The following HTR2C variants were observed in gnomAD, a reference collection of about 807,000 sequenced individuals.
The protein encoded by HTR2C is 5-hydroxytryptamine receptor 2C.
In HTR2C, 5 loss-of-function variants were observed where a neutral mutation model predicts 21.0. The ratio of observed to expected loss-of-function variants is 0.24; its 90% CI spans 0.12 to 0.50. The LOEUF (loss-of-function observed/expected upper bound fraction) is 0.50. HTR2C is among the 20% of genes least tolerant of loss of function. The pLI is 0.98. For synonymous variants in HTR2C, 150 were observed against 145.3 expected, an observed-to-expected ratio of 1.03 and a Z score of -0.23; for missense variants, 271 against 371.2, an observed-to-expected ratio of 0.73 and a Z score of 2.22.
intron 1 of HTR2C, among the ~76,000 whole-genome samples, chrX:114,611,258 T>C (rs782574508): frequency 1.6e-4 from 18 of 112,097 alleles, no homozygotes; most frequent in Non-Finnish European, 3.0e-4. Flanking sequence ...TCCACAACAT[T>C]TTCATTCCCT....
At chrX:114,724,137 T>A (rs1328419514) in intron 2 of HTR2C, among the ~76,000 whole-genome samples, 2 of 103,886 alleles carry the variant, frequency 1.9e-5, no homozygotes, top group African/African-American at 6.9e-5. Context: ...TCCATTATTA[T>A]TGTGTGGGAG....
chrX:114,857,064 T>TA (rs782055535), intron 5 of HTR2C, among the ~76,000 whole-genome samples: 28 of 111,387 alleles, frequency 2.5e-4, no homozygotes, highest in Non-Finnish European at 4.5e-4. Context: ...TTTGATATAG[T>TA]CAATGATGTT....
intron 5 of HTR2C, among the ~76,000 whole-genome samples, chrX:114,867,726 A>T (rs1305813374): frequency 3.6e-5 from 4 of 111,882 alleles, no homozygotes; most frequent in Non-Finnish European, 7.5e-5. Context: ...CTGCATATGG[A>T]TATCTAGTTT....
At chrX:114,621,860 G>A (rs899949568) in intron 2 of HTR2C, among the ~76,000 whole-genome samples, 6 of 111,809 alleles carry the variant, frequency 5.4e-5, no homozygotes, top group African/African-American at 1.6e-4. Context: ...ACCTTAATGA[G>A]TAGTGATGTC....
At chrX:114,806,216 T>C (rs921683819) in intron 4 of HTR2C, among the ~76,000 whole-genome samples, 3 of 89,015 alleles carry the variant, frequency 3.4e-5, no homozygotes, top group Non-Finnish European at 6.1e-5. Flanking sequence ...ATATACACTC[T>C]ATATACCATA....
At chrX:114,669,954 C>T (rs1931310755) in intron 2 of HTR2C, among the ~76,000 whole-genome samples, 1 of 112,021 alleles carries the variant, frequency 8.9e-6, no homozygotes, top group Non-Finnish European at 1.9e-5. Context: ...AGTAGCAATG[C>T]TGCCAGACGT....
At chrX:114,746,582 A>G (rs1198918396) in intron 4 of HTR2C, among the ~76,000 whole-genome samples, 2 of 111,587 alleles carry the variant, frequency 1.8e-5, no homozygotes, top group African/African-American at 6.5e-5. Context: ...AATTAGGCTC[A>G]GTGGCTCAGG....
chrX:114,878,644 G>A (rs963248916), intron 5 of HTR2C, among the ~76,000 whole-genome samples: 1 of 110,792 alleles, frequency 9.0e-6, no homozygotes, highest in Non-Finnish European at 1.9e-5. Context: ...CAAGTATCTT[G>A]TGTTAATGTC....
intron 1 of HTR2C, among the ~76,000 whole-genome samples, chrX:114,597,228 A>T (rs1319908775): frequency 9.2e-6 from 1 of 108,916 alleles, no homozygotes; most frequent in African/African-American, 3.3e-5. Flanking sequence ...CAAAAAAAAA[A>T]AAAAAAAAAA....
chrX:114,732,206 A>G (rs1317779688), intron 4 of HTR2C, among the ~76,000 whole-genome samples: 7 of 112,034 alleles, frequency 6.2e-5, no homozygotes, highest in African/African-American at 1.9e-4. Context: ...GAAAGTTTCA[A>G]TATATTGATT....
chrX:114,795,351 A>G (rs1182839103), intron 4 of HTR2C, among the ~76,000 whole-genome samples: 1 of 110,678 alleles, frequency 9.0e-6, no homozygotes, highest in African/African-American at 3.3e-5. Flanking sequence ...TTTGCTGTGC[A>G]GAAGCTCTTT....
intron 2 of HTR2C, among the ~76,000 whole-genome samples, chrX:114,701,718 C>T (rs1286518615): frequency 8.9e-6 from 1 of 112,356 alleles, no homozygotes; most frequent in Non-Finnish European, 1.9e-5. Context: ...GGAGAATGAC[C>T]TTGACGAGTT....
chrX:114,897,571 G>A (rs1267746858), intron 5 of HTR2C, among the ~76,000 whole-genome samples: 1 of 110,975 alleles, frequency 9.0e-6, no homozygotes, highest in African/African-American at 3.3e-5. Flanking sequence ...CTCACCGGCT[G>A]GCAGGCCCCA....
At chrX:114,906,464 A>G (rs971437186) in intron 5 of HTR2C, 125 bp from the exon 6 acceptor site, 3 of 488,477 alleles carry the variant, frequency 6.1e-6, no homozygotes, top group Non-Finnish European at 1.0e-5. Context: ...TATGCCGTGA[A>G]TAGCTTTCAA....
intron 4 of HTR2C, among the ~76,000 whole-genome samples, chrX:114,828,799 A>G (rs781801073): frequency 7.1e-5 from 8 of 111,903 alleles, no homozygotes; most frequent in African/African-American, 2.6e-4. Context: ...CCTATTCTGA[A>G]TATTTCGTAT....
chrX:114,607,192 G>A (rs1323887315), intron 1 of HTR2C, among the ~76,000 whole-genome samples: 2 of 112,018 alleles, frequency 1.8e-5, no homozygotes, highest in Non-Finnish European at 3.8e-5. Context: ...GGGCATATAC[G>A]TGCAAGTCAC....
chrX:114,833,169 G>A (rs782087586), intron 4 of HTR2C, among the ~76,000 whole-genome samples: 34 of 97,405 alleles, frequency 3.5e-4, no homozygotes, highest in African/African-American at 1.1e-3. Flanking sequence ...CTCCTTTTTG[G>A]TTGTGTCTCT....
intron 1 of HTR2C, among the ~76,000 whole-genome samples, chrX:114,602,728 T>C (rs868979277): frequency 0.056 from 916 of 16,462 alleles, 10 homozygotes; most frequent in East Asian, 0.1. Context: ...GGAAAGGCCT[T>C]TACTTATTCA....
intron 2 of HTR2C, among the ~76,000 whole-genome samples, chrX:114,725,127 A>G (rs1933400799): frequency 1.8e-5 from 2 of 110,876 alleles, no homozygotes; most frequent in South Asian, 3.9e-4. Flanking sequence ...ACTTGGTTCC[A>G]TTCTCCCTGT....
Sources: gnomAD v4.1 joint callset for allele counts (sites outside exome capture counted in the v4.1 genomes callset) on GRCh38, gnomAD v4.1.1 for gene constraint, MANE v1.5 for transcripts, NCBI Gene and HGNC (gene_info 2026-07-23, HGNC 2026-07-21) for gene names.